Variants in VTI1A observed in about 807,000 individuals in gnomAD.
VTI1A encodes the protein vesicle transport through interaction with t-SNAREs 1A.
Under a neutral mutation model 34.9 loss-of-function variants are expected in VTI1A, and 22 were observed. The ratio of observed to expected loss-of-function variants is 0.63; its 90% CI spans 0.45 to 0.90. The LOEUF is 0.90. Ranked by LOEUF, VTI1A falls within the 40% of genes least tolerant of loss-of-function variation. The pLI, the probability that VTI1A is intolerant of heterozygous loss-of-function variation, is 0.00. For synonymous variants in VTI1A, 87 were observed against 97.3 expected, an observed-to-expected ratio of 0.89 and a Z score of 0.62; for missense variants, 268 against 275.6, an observed-to-expected ratio of 0.97 and a Z score of 0.20.
At chr10:112,722,545 A>G (rs1268818168) in intron 7 of VTI1A, among the ~76,000 whole-genome samples, 4 of 152,206 alleles carry the variant, frequency 2.6e-5, no homozygotes, top group African/African-American at 7.2e-5. Flanking sequence ...AAAAGATTTG[A>G]TATGAGCCTG....
chr10:112,744,832 A>G (rs1195158390), intron 7 of VTI1A, among the ~76,000 whole-genome samples: 1 of 152,164 alleles, frequency 6.6e-6, no homozygotes, highest in Non-Finnish European at 1.5e-5. Context: ...TACATTGCAG[A>G]TCCAGCACGT....
At chr10:112,560,597 C>CTTTTT (rs1281971200) in intron 5 of VTI1A, among the ~76,000 whole-genome samples, 2 of 123,748 alleles carry the variant, frequency 1.6e-5, no homozygotes, top group African/African-American at 3.0e-5. Flanking sequence ...AATAGAAGTG[C>CTTTTT]TTTTTTTTTT....
chr10:112,520,621 A>ATG (rs150383079), intron 3 of VTI1A, among the ~76,000 whole-genome samples: 12,566 of 137,642 alleles, frequency 0.091, 634 homozygotes, highest in Non-Finnish European at 0.12. Context: ...TAGTCTCTAT[A>ATG]TGTGTGTGTG....
chr10:112,461,892 T>C (rs576044182), intron 2 of VTI1A, among the ~76,000 whole-genome samples: 66 of 152,326 alleles, frequency 4.3e-4, no homozygotes, highest in African/African-American at 1.5e-3. Flanking sequence ...TTTGTTTGTT[T>C]GTTTGTAGAG....
chr10:112,676,910 A>T (rs11196052), intron 7 of VTI1A, among the ~76,000 whole-genome samples: 3,940 of 152,304 alleles, frequency 0.026, 109 homozygotes, highest in East Asian at 0.09. Context: ...CGCATCTCAG[A>T]TCACTTATGG....
intron 3 of VTI1A, among the ~76,000 whole-genome samples, chr10:112,495,841 T>A (rs1384997044): frequency 6.6e-6 from 1 of 152,188 alleles, no homozygotes; most frequent in Non-Finnish European, 1.5e-5. Context: ...ATTCAATGAC[T>A]TGAATTGAAT....
chr10:112,694,461 A>G (rs570920600), intron 7 of VTI1A, among the ~76,000 whole-genome samples: 1 of 152,176 alleles, frequency 6.6e-6, no homozygotes, highest in South Asian at 2.1e-4. Flanking sequence ...ACTAATTTAC[A>G]TGAAGCTTGC....
intron 3 of VTI1A, among the ~76,000 whole-genome samples, chr10:112,481,905 A>C (rs1848470287): frequency 6.6e-6 from 1 of 152,206 alleles, no homozygotes; most frequent in South Asian, 2.1e-4. Flanking sequence ...ACAACTTGAT[A>C]GTACAATTAC....
At position 112,496,124 on chromosome 10, in the gene VTI1A, A is replaced by G. The variant is rs1849006049; in HGVS notation, c.265-30963A>G. ...TGTAATCCCAGCACTTTGGGAGGCC[A>G]GGCCTAAGTGGGAGGATCACTTGAG... On this transcript the variant is annotated intron_variant, in intron 3 of 7. Transcript: ENST00000393077. Among the ~76,000 whole-genome samples the G allele has an allele frequency of 3.8e-5, 5 of 133,028 alleles. No homozygotes were observed. The South Asian group carries it at 1.3e-3, about 35-fold the overall frequency. The allele number at this position is 133,028 out of a possible 152,430, so 87.3% of individuals were successfully genotyped here.
At chr10:112,722,975 C>T (rs1354151973) in intron 7 of VTI1A, among the ~76,000 whole-genome samples, 1 of 152,164 alleles carries the variant, frequency 6.6e-6, no homozygotes, top group African/African-American at 2.4e-5. Context: ...TACAGTGGTT[C>T]ACACTGCTGC....
rs1364623456 is a variant in VTI1A at position 112,816,612 on chromosome 10, AG to A, written c.*1230del. The A allele has an allele frequency of 3.1e-5, 7 of 226,996 alleles. No homozygotes were observed. The highest frequency in any genetic ancestry group is 1.1e-4 in the Admixed American group (2 of 17,630). The allele number at this position is 226,996 out of a possible 1,614,324, so 14.1% of individuals were successfully genotyped here. A position where few individuals can be genotyped will look rare whatever the true frequency, so the allele number is the denominator to read the frequency against. Reference sequence around the variant, plus strand: ...GAGCTCATTTGTGATCAGGCTTAAAAGTTGCCCAAGCTGAGGTCGTTTCCCC... The same window carrying A: ...GAGCTCATTTGTGATCAGGCTTAAAATTGCCCAAGCTGAGGTCGTTTCCCC... On this transcript the variant is annotated 3_prime_UTR_variant, in exon 8 of 8. Coordinates refer to ENST00000393077, the MANE Select transcript of VTI1A (RefSeq NM_145206.4).
chr10:112,854,030 C>G, the VTI1A span, among the ~76,000 whole-genome samples: 2 of 152,100 alleles, frequency 1.3e-5, no homozygotes, highest in African/African-American at 2.4e-5. Flanking sequence ...TCTTCTCCAC[C>G]CTGCTCAGCA....
chr10:112,726,744 A>G (rs573394718), intron 7 of VTI1A, among the ~76,000 whole-genome samples: 1 of 152,288 alleles, frequency 6.6e-6, no homozygotes, highest in East Asian at 1.9e-4. Flanking sequence ...CAAGGAGCTC[A>G]GGGTATCTTG....
intron 7 of VTI1A, among the ~76,000 whole-genome samples, chr10:112,807,231 C>T (rs1278550077): frequency 6.6e-6 from 1 of 152,136 alleles, no homozygotes; most frequent in Non-Finnish European, 1.5e-5. Flanking sequence ...GCTCCATATG[C>T]TGGTCTGGAT....
At chr10:112,714,570 G>A (rs919868394) in intron 7 of VTI1A, among the ~76,000 whole-genome samples, 12 of 152,130 alleles carry the variant, frequency 7.9e-5, no homozygotes, top group East Asian at 7.7e-4. Context: ...CCCTTAACTC[G>A]GTTGTTTTTT....
At chr10:112,705,525 A>T (rs1041470128) in intron 7 of VTI1A, among the ~76,000 whole-genome samples, 12 of 152,010 alleles carry the variant, frequency 7.9e-5, no homozygotes, top group Non-Finnish European at 1.6e-4. Context: ...TACCCCCGAC[A>T]CACACACATT....
chr10:112,635,375 A>G (rs1041390810), intron 5 of VTI1A, among the ~76,000 whole-genome samples: 1 of 152,324 alleles, frequency 6.6e-6, no homozygotes, highest in South Asian at 2.1e-4. Context: ...TGGTAGAGGC[A>G]TTCCAGACAG....
At chr10:112,747,279 T>G (rs1253095259) in intron 7 of VTI1A, among the ~76,000 whole-genome samples, 1 of 152,232 alleles carries the variant, frequency 6.6e-6, no homozygotes, top group Admixed American at 6.5e-5. Flanking sequence ...AGTATTCTTA[T>G]TAGCATGCAT....
chr10:112,459,468 G>T (rs1847655911), intron 1 of VTI1A, among the ~76,000 whole-genome samples: 1 of 152,178 alleles, frequency 6.6e-6, no homozygotes, highest in Non-Finnish European at 1.5e-5. Context: ...TGTGGCCAGA[G>T]GATTGAGTTA....
Sources: gnomAD v4.1 joint callset for allele counts (sites outside exome capture counted in the v4.1 genomes callset) on GRCh38, gnomAD v4.1.1 for gene constraint, MANE v1.5 for transcripts, NCBI Gene and HGNC (gene_info 2026-07-23, HGNC 2026-07-21) for gene names.